Variants in KCNK10 observed in about 807,000 individuals in gnomAD.
The protein encoded by KCNK10 is potassium two pore domain channel subfamily K member 10, also known as potassium channel subfamily K member 10.
Under a neutral mutation model 47.7 loss-of-function variants are expected in KCNK10, and 25 were observed. The observed-to-expected ratio is 0.52, with a 90% CI of 0.38 to 0.73. The LOEUF (loss-of-function observed/expected upper bound fraction) is 0.73. Among genes scored for constraint, KCNK10 ranks in the 30% least tolerant of loss-of-function variants. KCNK10 has a pLI of 0.00. For missense variants in KCNK10, 563 were observed against 714.5 expected (o/e 0.79, Z 2.42); for synonymous variants, 303 against 285.6 (o/e 1.06, Z -0.61).
intron 1 of KCNK10, among the ~76,000 whole-genome samples, chr14:88,291,905 G>GA (rs113326696): frequency 9.9e-5 from 15 of 152,026 alleles, no homozygotes; most frequent in African/African-American, 2.9e-4. Flanking sequence ...AAAGCCTTCA[G>GA]AAAAAAGCCT....
intron 4 of KCNK10, among the ~76,000 whole-genome samples, chr14:88,211,580 A>G (rs1885458297): frequency 6.6e-6 from 1 of 152,080 alleles, no homozygotes; most frequent in Non-Finnish European, 1.5e-5. Context: ...TATCCTACCA[A>G]CTCCTGGGAG....
chr14:88,265,590 C>T (rs1439766796), intron 1 of KCNK10, among the ~76,000 whole-genome samples: 1 of 152,204 alleles, frequency 6.6e-6, no homozygotes, highest in African/African-American at 2.4e-5. Flanking sequence ...CAATTTGCTA[C>T]GGAAGCCCCA....
intron 4 of KCNK10, among the ~76,000 whole-genome samples, chr14:88,202,849 A>T (rs1205926492): frequency 6.6e-6 from 1 of 152,180 alleles, no homozygotes; most frequent in East Asian, 1.9e-4. Flanking sequence ...AAGAGACTAG[A>T]TGCAGAGCTT....
chr14:88,283,109 A>G (rs1352307416), intron 1 of KCNK10, among the ~76,000 whole-genome samples: 3 of 152,238 alleles, frequency 2.0e-5, no homozygotes, highest in Non-Finnish European at 4.4e-5. Flanking sequence ...TGTCTACTAA[A>G]GAAGAGAGTG....
At chr14:88,299,411 A>G (rs1256100815) in intron 1 of KCNK10, among the ~76,000 whole-genome samples, 2 of 152,174 alleles carry the variant, frequency 1.3e-5, no homozygotes, top group African/African-American at 2.4e-5. Flanking sequence ...CTCCAAATCT[A>G]TTAAGAGTAA....
chr14:88,269,147 G>A (rs1231691787), intron 1 of KCNK10, among the ~76,000 whole-genome samples: 1 of 152,158 alleles, frequency 6.6e-6, no homozygotes, highest in African/African-American at 2.4e-5. Context: ...TCAAAAAAAA[G>A]AATACGGCAC....
At chr14:88,287,402 A>G (rs1194219114) in intron 1 of KCNK10, among the ~76,000 whole-genome samples, 1 of 152,020 alleles carries the variant, frequency 6.6e-6, no homozygotes, top group Non-Finnish European at 1.5e-5. Flanking sequence ...GACTTGTGAA[A>G]TTTTGGTGCA....
Position 88,185,818 on chromosome 14 carries a change from T to C in KCNK10, c.1349A>G (p.Asn450Ser). 6.2e-7 allele frequency: 1 copy of C among 1,614,196 alleles called. No homozygotes were observed. Among genetic ancestry groups the C allele is most frequent in the African/African-American group, 1.3e-5 (1 of 75,052 alleles). ...GAGTCTGGAGGTGGACCCGAACTTG[T>C]TGATGATGTTGTCCTCGGACGCACC... The part of the protein sequence containing the change: ...GQGASEDNII[N>S]KFGSTSRLTK... The change falls in exon 7 of 7, where the codon AAC (asparagine) becomes AGC (serine). Residue 450 changes from asparagine to serine, a missense_variant. Physicochemically the swap from Asn to Ser is conservative, Grantham distance 46. Coordinates refer to ENST00000319231, the MANE Select transcript of KCNK10 (RefSeq NM_138317.3). This position sits in a 1 kb window ranked among gnomAD's most constrained non-coding sequence, Gnocchi z 4.3.
In KCNK10 at chr14:88,193,400, C is replaced by A. The variant is rs141867986; in HGVS notation, c.682-990G>T. On this transcript the variant is annotated intron_variant, in intron 4 of 6. Transcript: ENST00000319231. Reference sequence around the variant, plus strand: ...ATATTCTCTTTGGATGTGCTGAAGGCGACACTGGAATTGACTCTAAGCTGA... The same window carrying A: ...ATATTCTCTTTGGATGTGCTGAAGGAGACACTGGAATTGACTCTAAGCTGA... 2.4e-4 allele frequency among the ~76,000 whole-genome samples: 36 copies of A among 152,082 alleles called. No homozygotes were observed. The East Asian group carries it at 5.8e-3, about 25-fold the overall frequency.
intron 1 of KCNK10, among the ~76,000 whole-genome samples, chr14:88,296,134 C>T (rs530970022): frequency 6.6e-6 from 1 of 152,304 alleles, no homozygotes; most frequent in African/African-American, 2.4e-5. Context: ...TCTTCATACT[C>T]TGGCCCTGTC....
At chr14:88,209,489 A>G (rs1034352611) in intron 4 of KCNK10, among the ~76,000 whole-genome samples, 8 of 152,260 alleles carry the variant, frequency 5.3e-5, no homozygotes, top group African/African-American at 1.9e-4. Context: ...GGGGAGCCCC[A>G]GAGGAGCCGA....
At chr14:88,205,542 C>CTTTTTTTTTT (rs200265659) in intron 4 of KCNK10, among the ~76,000 whole-genome samples, 200 of 115,722 alleles carry the variant, frequency 1.7e-3, no homozygotes, top group Non-Finnish European at 2.3e-3. Flanking sequence ...CTTTTCTTTT[C>CTTTTTTTTTT]TTTTTTTTTT....
rs1884322050 is a variant in KCNK10 at position 88,180,844 on chromosome 14, C to T, written c.*4691G>A. 1 of 398,602 alleles carries T rather than the reference C, an allele frequency of 2.5e-6. No homozygotes were observed. Among genetic ancestry groups the T allele is most frequent in the Non-Finnish European group, 4.4e-6 (1 of 226,052 alleles). The allele number at this position is 398,602 out of a possible 1,614,324, so 24.7% of individuals were successfully genotyped here. ...GCTTTGCTTACAGCCATGTAATTAG[C>T]ATGCTGTTCCAAAGTTTCCCTATGC... On this transcript the variant is annotated 3_prime_UTR_variant, in exon 7 of 7. Coordinates refer to ENST00000319231, the MANE Select transcript of KCNK10 (RefSeq NM_138317.3).
chr14:88,252,533 G>A (rs1358357988), intron 2 of KCNK10, among the ~76,000 whole-genome samples: 1 of 152,122 alleles, frequency 6.6e-6, no homozygotes, highest in Non-Finnish European at 1.5e-5. Context: ...ACATCTCCTT[G>A]GTTATGGAGA....
chr14:88,270,950 C>T (rs1887392545), intron 1 of KCNK10: 1 of 689,150 alleles, frequency 1.5e-6, no homozygotes, highest in East Asian at 2.5e-5. Context: ...GCCTGCCTAT[C>T]TCACAGGCCT....
Position 88,181,025 on chromosome 14 carries a change from A to G in KCNK10, c.*4510T>C. On this transcript the variant is annotated 3_prime_UTR_variant, in exon 7 of 7. Coordinates refer to ENST00000319231, the MANE Select transcript of KCNK10 (RefSeq NM_138317.3). ...CCTAACAGTGAGAAAGAATAACCCC[A>G]TATTAGCAAAATGCAACAAGCAGAG... 1 of 393,366 alleles carries G rather than the reference A, an allele frequency of 2.5e-6. No homozygotes were observed. Among genetic ancestry groups the G allele is most frequent in the Non-Finnish European group, 4.5e-6 (1 of 223,150 alleles). 24.4% of individuals were successfully genotyped at this position (393,366 alleles called of 1,614,324 possible).
At chr14:88,306,573 G>A (rs1888206481) in intron 1 of KCNK10, among the ~76,000 whole-genome samples, 1 of 151,920 alleles carries the variant, frequency 6.6e-6, no homozygotes, top group Non-Finnish European at 1.5e-5. Flanking sequence ...GAGCCTGCTG[G>A]TACCACGCCT....
chr14:88,316,679 A>C (rs1277567398), intron 1 of KCNK10, among the ~76,000 whole-genome samples: 2 of 152,198 alleles, frequency 1.3e-5, no homozygotes, highest in Non-Finnish European at 2.9e-5. Flanking sequence ...AGTACTGAAA[A>C]AGATTGTCAT....
intron 1 of KCNK10, among the ~76,000 whole-genome samples, chr14:88,283,532 G>T (rs1000115714): frequency 1.5e-4 from 23 of 152,338 alleles, no homozygotes; most frequent in African/African-American, 5.1e-4. Context: ...TATGTCAGAG[G>T]TGTGGGTTTC....
Sources: gnomAD v4.1 joint callset for allele counts (sites outside exome capture counted in the v4.1 genomes callset) on GRCh38, gnomAD v4.1.1 for gene constraint, Gnocchi (gnomAD v3.1) non-coding constraint, MANE v1.5 for transcripts, NCBI Gene and HGNC (gene_info 2026-07-23, HGNC 2026-07-21) for gene names.